CTNNA3: variants seen among roughly 807,000 people sequenced by gnomAD.
CTNNA3 encodes the protein catenin alpha 3.
In CTNNA3, 76 loss-of-function variants were observed where a neutral mutation model predicts 95.7. The ratio of observed to expected loss-of-function variants is 0.79; its 90% CI spans 0.66 to 0.96. The LOEUF (loss-of-function observed/expected upper bound fraction) is 0.96, where lower values mean the gene tolerates loss of function less well. CTNNA3 is among the 40% of genes least tolerant of loss of function. CTNNA3 has a pLI of 0.00. For synonymous variants in CTNNA3, 431 were observed against 374.4 expected (o/e 1.15, Z -1.74); for missense variants, 1,191 against 1,089.8 (o/e 1.09, Z -1.31).
At chr10:67,059,179 A>G (rs1373905600) in intron 7 of CTNNA3, among the ~76,000 whole-genome samples, 1 of 152,146 alleles carries the variant, frequency 6.6e-6, no homozygotes, top group African/African-American at 2.4e-5. Flanking sequence ...CATAACATCC[A>G]CTTTCTAAAT....
At chr10:66,160,398 C>A (rs758810610) in intron 13 of CTNNA3, among the ~76,000 whole-genome samples, 1 of 151,908 alleles carries the variant, frequency 6.6e-6, no homozygotes, top group Non-Finnish European at 1.5e-5. Flanking sequence ...TCATTCAGTT[C>A]GAATAATTTC....
intron 1 of CTNNA3, among the ~76,000 whole-genome samples, chr10:67,740,861 T>C (rs1841333091): frequency 6.6e-6 from 1 of 151,328 alleles, no homozygotes; most frequent in Admixed American, 6.6e-5. Flanking sequence ...CATGCACACG[T>C]ATGTTTATTG....
rs572671993 is a variant in CTNNA3, at chr10:67,367,848, T to C, written c.580-147978A>G. Among the ~76,000 whole-genome samples the C allele has an allele frequency of 4.6e-5, 7 of 152,154 alleles. No homozygotes were observed. The South Asian group carries it at 1.2e-3, about 27-fold the overall frequency. ...CTTGCTTATAAGTGGGAGCTAAACA[T>C]TGGATGCACATGGGCATAAAAATGG... On this transcript the variant is annotated intron_variant, in intron 5 of 17. Transcript: ENST00000433211.
At chr10:66,133,542 A>G (rs1469794824) in intron 13 of CTNNA3, among the ~76,000 whole-genome samples, 1 of 151,864 alleles carries the variant, frequency 6.6e-6, no homozygotes, top group Non-Finnish European at 1.5e-5. Flanking sequence ...AAAAAACAAA[A>G]AAAACAGAAG....
At chr10:67,731,910 G>A (rs1177704873) in intron 1 of CTNNA3, among the ~76,000 whole-genome samples, 4 of 151,388 alleles carry the variant, frequency 2.6e-5, no homozygotes, top group Non-Finnish European at 4.4e-5. Context: ...ACAGGTACCC[G>A]CCACCAAGCC....
At chr10:66,296,485 C>T (rs1264607160) in intron 12 of CTNNA3, among the ~76,000 whole-genome samples, 1 of 151,846 alleles carries the variant, frequency 6.6e-6, no homozygotes, top group African/African-American at 2.4e-5. Flanking sequence ...TTGTATTTAT[C>T]CCTAAGTGTG....
intron 7 of CTNNA3, among the ~76,000 whole-genome samples, chr10:66,925,225 T>C (rs1253965256): frequency 6.6e-6 from 1 of 152,202 alleles, no homozygotes; most frequent in Non-Finnish European, 1.5e-5. Flanking sequence ...TCCCCAAGTC[T>C]GTTTCCTCAT....
intron 10 of CTNNA3, among the ~76,000 whole-genome samples, chr10:66,580,593 C>A (rs1843152792): frequency 6.6e-6 from 1 of 151,722 alleles, no homozygotes; most frequent in Non-Finnish European, 1.5e-5. Context: ...AGCTTGAGAT[C>A]TTCCTGGTTC....
intron 15 of CTNNA3, among the ~76,000 whole-genome samples, chr10:66,056,257 T>C (rs1411202535): frequency 6.6e-6 from 1 of 152,198 alleles, no homozygotes; most frequent in East Asian, 1.9e-4. Flanking sequence ...TTGAATGTTA[T>C]CAGATTTTTT....
intron 13 of CTNNA3, among the ~76,000 whole-genome samples, chr10:66,212,818 A>G (rs2088256220): frequency 6.6e-6 from 1 of 152,232 alleles, no homozygotes; most frequent in Non-Finnish European, 1.5e-5. Context: ...AGCCTGGCCA[A>G]CATGGCGAAA....
intron 11 of CTNNA3, among the ~76,000 whole-genome samples, chr10:66,452,325 C>T (rs572114659): frequency 6.6e-6 from 1 of 152,218 alleles, no homozygotes; most frequent in African/African-American, 2.4e-5. Context: ...AAATCTGTGA[C>T]CCCAAGAGGG....
chr10:66,560,384 G>C (rs1842516231), intron 10 of CTNNA3, among the ~76,000 whole-genome samples: 6 of 150,948 alleles, frequency 4.0e-5, no homozygotes, highest in Admixed American at 3.9e-4. Context: ...ATTCATAATA[G>C]TTGTACAATA....
At chr10:66,518,082 G>A (rs1840926680) in intron 11 of CTNNA3, among the ~76,000 whole-genome samples, 1 of 152,060 alleles carries the variant, frequency 6.6e-6, no homozygotes, top group South Asian at 2.1e-4. Context: ...AAACATCTAG[G>A]TATATGAGAT....
At chr10:66,391,315 C>T (rs371575400) in intron 11 of CTNNA3, among the ~76,000 whole-genome samples, 7 of 151,630 alleles carry the variant, frequency 4.6e-5, no homozygotes, top group East Asian at 3.9e-4. Flanking sequence ...CACACACACA[C>T]GAAAAAAAAG....
intron 3 of CTNNA3, among the ~76,000 whole-genome samples, chr10:67,602,739 C>T (rs751587802): frequency 2.0e-5 from 3 of 152,066 alleles, no homozygotes; most frequent in East Asian, 1.9e-4. Context: ...TGACTGATGA[C>T]GTACATACTT....
chr10:67,546,419 C>T (rs1184358023), intron 3 of CTNNA3, among the ~76,000 whole-genome samples: 3 of 152,148 alleles, frequency 2.0e-5, no homozygotes, highest in African/African-American at 7.2e-5. Flanking sequence ...AGCCATGACC[C>T]ACCCCACTGA....
chr10:67,419,358 T>C (rs746244243), intron 5 of CTNNA3, among the ~76,000 whole-genome samples: 66 of 152,210 alleles, frequency 4.3e-4, no homozygotes, highest in Admixed American at 3.3e-3. Context: ...TTTAAATTTA[T>C]TTTTAATTTC....
At chr10:67,738,363 G>C (rs1462063930) in intron 1 of CTNNA3, among the ~76,000 whole-genome samples, 2 of 152,198 alleles carry the variant, frequency 1.3e-5, no homozygotes, top group Non-Finnish European at 1.5e-5. Context: ...GAACCTGACT[G>C]TTAGAAGAAA....
At chr10:66,003,036 A>G (rs1280118257) in intron 15 of CTNNA3, among the ~76,000 whole-genome samples, 1 of 152,226 alleles carries the variant, frequency 6.6e-6, no homozygotes, top group Non-Finnish European at 1.5e-5. Context: ...AAATTGAGAA[A>G]GAACTGAGGC....
Sources: gnomAD v4.1 joint callset for allele counts (sites outside exome capture counted in the v4.1 genomes callset) on GRCh38, gnomAD v4.1.1 for gene constraint, MANE v1.5 for transcripts, NCBI Gene and HGNC (gene_info 2026-07-23, HGNC 2026-07-21) for gene names.